EPCAM: variants seen among roughly 807,000 people sequenced by gnomAD.
EPCAM encodes the protein adenocarcinoma-associated antigen.
In EPCAM, 39 loss-of-function variants were observed where a neutral mutation model predicts 40.0. The ratio of observed to expected loss-of-function variants is 0.98; its 90% CI spans 0.76 to 1.27. The LOEUF (loss-of-function observed/expected upper bound fraction) is 1.27, where lower values mean the gene tolerates loss of function less well. Ranked by LOEUF, EPCAM falls within the 50% of genes most tolerant of loss-of-function variation. The pLI is 0.00. For missense variants in EPCAM, 503 were observed against 381.2 expected, an observed-to-expected ratio of 1.32 and a Z score of -2.66; for synonymous variants, 168 against 132.3, an observed-to-expected ratio of 1.27 and a Z score of -1.85.
chr2:47,381,847 A>G (rs1279477473), intron 7 of EPCAM, among the ~76,000 whole-genome samples: 2 of 152,080 alleles, frequency 1.3e-5, no homozygotes, highest in Non-Finnish European at 2.9e-5. Flanking sequence ...ACTCACTGCA[A>G]CCTCCAATTC....
At chr2:47,378,557 C>T (rs1237147376) in intron 5 of EPCAM, among the ~76,000 whole-genome samples, 1 of 152,114 alleles carries the variant, frequency 6.6e-6, no homozygotes, top group Non-Finnish European at 1.5e-5. Flanking sequence ...CCACCTCAGC[C>T]TCCCAAAGTG....
intron 7 of EPCAM, 72 bp from the exon 8 acceptor site, chr2:47,385,094 C>A (rs2103768246): frequency 9.1e-7 from 1 of 1,100,244 alleles, no homozygotes; most frequent in Non-Finnish European, 1.4e-6. Context: ...CCATTAAAAG[C>A]ATATATGTCT....
rs2103747052 is a variant in EPCAM, at chr2:47,373,837, G to A, written c.214G>A (p.Glu72Lys). The part of the protein sequence containing the change: ...LAAKCLVMKA[E>K]MNGSKLGRRA... Reference sequence around the variant, plus strand: ...TGCCAAATGTTTGGTGATGAAGGCAGAAATGAATGGCTCAAAACTTGGGAG... The same window carrying A: ...TGCCAAATGTTTGGTGATGAAGGCAAAAATGAATGGCTCAAAACTTGGGAG... The change falls in exon 3 of 9, where the codon GAA becomes AAA. Residue 72 changes from glutamate to lysine, a missense_variant. Coordinates refer to ENST00000263735, the MANE Select transcript of EPCAM (RefSeq NM_002354.3). 1 of 1,614,098 alleles carries A rather than the reference G, an allele frequency of 6.2e-7. No homozygotes were observed. The highest frequency in any genetic ancestry group is 1.1e-5 in the South Asian group (1 of 91,080).
intron 1 of EPCAM, among the ~76,000 whole-genome samples, chr2:47,371,015 T>C (rs1012139187): frequency 6.6e-6 from 1 of 151,988 alleles, no homozygotes; most frequent in Non-Finnish European, 1.5e-5. Flanking sequence ...GCCAGCCGAA[T>C]ATTTGTATTT....
chr2:47,376,823 A>G (rs1671439629), intron 4 of EPCAM, among the ~76,000 whole-genome samples, 191 bp from the exon 5 acceptor site: 1 of 152,216 alleles, frequency 6.6e-6, no homozygotes, highest in South Asian at 2.1e-4. Flanking sequence ...TTAAACTGGT[A>G]CCCAGCAGTT....
At chr2:47,380,336 A>G (rs904710742) in intron 7 of EPCAM, among the ~76,000 whole-genome samples, 3 of 152,144 alleles carry the variant, frequency 2.0e-5, no homozygotes, top group Non-Finnish European at 4.4e-5. Flanking sequence ...AAAAAAGGAA[A>G]TATGAAAAAG....
chr2:47,373,464 A>T lies in EPCAM; in HGVS notation c.78A>T (p.Glu26Asp), dbSNP rs2103745491. 1 of 1,601,196 alleles carries T rather than the reference A, an allele frequency of 6.2e-7. No individual in the cohort carries two copies. Among genetic ancestry groups the T allele is most frequent in the Non-Finnish European group, 8.6e-7 (1 of 1,169,116 alleles). Residue 26 changes from glutamate (E) to aspartate (D), a missense_variant and splice_region_variant, in exon 2 of 9, where the codon GAA becomes GAT. Transcript: ENST00000263735. ...ATATFAAAQE[E>D]CVCENYKLAV... Reference sequence around the variant, plus strand: ...TAGATTTTTTTTTTAATTTTCTAGAATGTGTCTGTGAAAACTACAAGCTGG... The same window carrying T: ...TAGATTTTTTTTTTAATTTTCTAGATTGTGTCTGTGAAAACTACAAGCTGG...
chr2:47,381,731 C>T (rs1196160514), intron 7 of EPCAM, among the ~76,000 whole-genome samples: 1 of 152,068 alleles, frequency 6.6e-6, no homozygotes, highest in East Asian at 1.9e-4. Flanking sequence ...TTATGTAAGG[C>T]AAGAAATCTG....
chr2:47,381,580 C>T (rs769567206), intron 7 of EPCAM, among the ~76,000 whole-genome samples: 2 of 152,042 alleles, frequency 1.3e-5, no homozygotes, highest in African/African-American at 2.4e-5. Context: ...GTGAGGGTGG[C>T]ATGTCCAGAG....
chr2:47,382,238 G>C (rs1247728593), intron 7 of EPCAM, among the ~76,000 whole-genome samples: 1 of 152,112 alleles, frequency 6.6e-6, no homozygotes, highest in Non-Finnish European at 1.5e-5. Context: ...CCTAAAGAAA[G>C]AATGACAACA....
chr2:47,385,239 G>T (rs1188294900), intron 8 of EPCAM, 29 bp downstream of exon 8: 1 of 1,585,850 alleles, frequency 6.3e-7, no homozygotes, highest in African/African-American at 1.3e-5. Flanking sequence ...TAAATAGAAA[G>T]GCCCTGTTGA....
At chr2:47,369,631 C>A in intron 1 of EPCAM, 50 bp downstream of exon 1, 1 of 1,526,792 alleles carries the variant, frequency 6.5e-7, no homozygotes. Flanking sequence ...GGCTGGGGGG[C>A]AGCGGCCCCC....
rs878952142 is a variant in EPCAM, at chr2:47,374,121, GT to G, written c.425+74del. On this transcript the variant is annotated intron_variant, in intron 3 of 8. Coordinates refer to ENST00000263735, the MANE Select transcript of EPCAM (RefSeq NM_002354.3). ...TTTAATTAAATTTATTTTTGATTAT[GT>G]AATATGATTTCATGGTTTAGAATTC... 114 of 1,528,572 alleles carry G rather than the reference GT, an allele frequency of 7.5e-5. 1 individual carries two copies. The South Asian group carries it at 1.3e-3, about 17-fold the overall frequency. 94.7% of individuals were successfully genotyped at this position (1,528,572 alleles called of 1,614,324 possible).
chr2:47,373,642 T>C (rs926440031), intron 2 of EPCAM, 72 bp downstream of exon 2: 41 of 1,434,066 alleles, frequency 2.9e-5, no homozygotes, highest in Non-Finnish European at 3.6e-5. Context: ...GTGCCTTGAG[T>C]TGGAAAGAGT....
intron 7 of EPCAM, among the ~76,000 whole-genome samples, chr2:47,383,622 T>C (rs1358170709): frequency 7.4e-4 from 52 of 69,966 alleles, no homozygotes; most frequent in African/African-American, 2.5e-3. Flanking sequence ...TTTTTTTTTT[T>C]TTTTTTTTTT....
At chr2:47,376,762 A>G (rs1671438202) in intron 4 of EPCAM, among the ~76,000 whole-genome samples, 1 of 152,168 alleles carries the variant, frequency 6.6e-6, no homozygotes, top group African/African-American at 2.4e-5. Flanking sequence ...TGTAATCCAT[A>G]AATAATCTAT....
chr2:47,379,351 CAAAT>C (rs1289130554), intron 6 of EPCAM, among the ~76,000 whole-genome samples: 3 of 152,024 alleles, frequency 2.0e-5, no homozygotes, highest in African/African-American at 4.8e-5. Flanking sequence ...ATAATTTACA[CAAAT>C]AAAAGTCTGT....
At chr2:47,385,523 A>T (rs1448946147) in intron 8 of EPCAM, among the ~76,000 whole-genome samples, 1 of 152,224 alleles carries the variant, frequency 6.6e-6, no homozygotes, top group Admixed American at 6.5e-5. Flanking sequence ...GGAGAAACTC[A>T]TTGTGACTGA....
chr2:47,377,226 A>T, intron 5 of EPCAM, 149 bp downstream of exon 5: 1 of 694,818 alleles, frequency 1.4e-6, no homozygotes. Context: ...ATTTCCTGTT[A>T]CTGTTTTTTT....
Sources: gnomAD v4.1 joint callset for allele counts (sites outside exome capture counted in the v4.1 genomes callset) on GRCh38, gnomAD v4.1.1 for gene constraint, MANE v1.5 for transcripts, NCBI Gene and HGNC (gene_info 2026-07-23, HGNC 2026-07-21) for gene names.